Variants in ATP8B4 observed in about 807,000 individuals in gnomAD.
ATP8B4 encodes probable phospholipid-transporting ATPase IM.
In ATP8B4, 133 loss-of-function variants were observed where a neutral mutation model predicts 145.6. The ratio of observed to expected loss-of-function variants is 0.91; its 90% CI spans 0.79 to 1.05. The LOEUF is 1.05. Among genes scored for constraint, ATP8B4 ranks in the 50% least tolerant of loss-of-function variants. ATP8B4 has a pLI of 0.00. For synonymous variants in ATP8B4, 507 were observed against 492.9 expected (o/e 1.03, Z -0.38); for missense variants, 1,458 against 1,425.2 (o/e 1.02, Z -0.37).
chr15:50,112,951 C>A (rs2153672830), intron 1 of ATP8B4, among the ~76,000 whole-genome samples: 1 of 152,236 alleles, frequency 6.6e-6, no homozygotes, highest in Admixed American at 6.5e-5. Context: ...GAAGAGGCTC[C>A]CTGTGAGGGC....
At chr15:50,034,604 A>T (rs986588767) in intron 6 of ATP8B4, among the ~76,000 whole-genome samples, 1 of 152,200 alleles carries the variant, frequency 6.6e-6, no homozygotes, top group African/African-American at 2.4e-5. Flanking sequence ...GGCTTCAATT[A>T]GAGGTTCTCA....
At chr15:49,905,229 A>C (rs1164105931) in intron 20 of ATP8B4, among the ~76,000 whole-genome samples, 1 of 152,212 alleles carries the variant, frequency 6.6e-6, no homozygotes, top group Non-Finnish European at 1.5e-5. Context: ...ATGTTTATGA[A>C]ATAATCTAAG....
intron 6 of ATP8B4, among the ~76,000 whole-genome samples, chr15:50,025,939 G>A (rs1252057973): frequency 1.3e-5 from 2 of 152,140 alleles, no homozygotes; most frequent in Non-Finnish European, 2.9e-5. Context: ...AAGATGGTGG[G>A]AATATGATCA....
chr15:50,002,748 G>A (rs1182613934), intron 7 of ATP8B4, among the ~76,000 whole-genome samples: 1 of 152,056 alleles, frequency 6.6e-6, no homozygotes, highest in Non-Finnish European at 1.5e-5. Flanking sequence ...AAGATGGTAG[G>A]GAGTAAGAAA....
At chr15:50,079,996 G>T (rs1369215956) in intron 2 of ATP8B4, among the ~76,000 whole-genome samples, 1 of 152,182 alleles carries the variant, frequency 6.6e-6, no homozygotes, top group Non-Finnish European at 1.5e-5. Context: ...TAGGAAGGAA[G>T]CCATCCTTTG....
At chr15:50,172,473 G>C (rs905496528) in intron 1 of ATP8B4, among the ~76,000 whole-genome samples, 3 of 152,224 alleles carry the variant, frequency 2.0e-5, no homozygotes, top group Non-Finnish European at 2.9e-5. Context: ...GAGTGCAGCC[G>C]GCGTGATCTC....
At chr15:49,955,729 T>C (rs2043504020) in intron 14 of ATP8B4, among the ~76,000 whole-genome samples, 1 of 152,200 alleles carries the variant, frequency 6.6e-6, no homozygotes, top group Non-Finnish European at 1.5e-5. Flanking sequence ...ACAATATGGA[T>C]GACTCTTGGC....
At chr15:50,131,865 G>T (rs927938054) in intron 1 of ATP8B4, among the ~76,000 whole-genome samples, 7 of 150,708 alleles carry the variant, frequency 4.6e-5, no homozygotes, top group African/African-American at 1.7e-4. Context: ...AAAAATAATG[G>T]TTATAAAATC....
intron 1 of ATP8B4, among the ~76,000 whole-genome samples, chr15:50,165,447 G>T (rs1318555721): frequency 6.6e-6 from 1 of 152,122 alleles, no homozygotes; most frequent in Non-Finnish European, 1.5e-5. Context: ...CTTTTGTGTG[G>T]ATAGCTGCTC....
intron 2 of ATP8B4, among the ~76,000 whole-genome samples, chr15:50,096,909 C>T (rs1600357324): frequency 6.6e-6 from 1 of 152,260 alleles, no homozygotes; most frequent in East Asian, 1.9e-4. Flanking sequence ...TATGAGAGGG[C>T]TTTTGTGAAG....
chr15:49,908,708 C>T (rs551536375), intron 20 of ATP8B4, among the ~76,000 whole-genome samples: 114 of 152,242 alleles, frequency 7.5e-4, no homozygotes, highest in African/African-American at 2.6e-3. Context: ...GAGGGCCCAA[C>T]AGTACTTGGC....
At chr15:49,945,589 A>G (rs2042498279) in intron 14 of ATP8B4, among the ~76,000 whole-genome samples, 1 of 152,204 alleles carries the variant, frequency 6.6e-6, no homozygotes, top group Non-Finnish European at 1.5e-5. Flanking sequence ...ACCCCAATTA[A>G]CATGCAAAAA....
chr15:50,088,988 C>A (rs1218251036), intron 2 of ATP8B4, among the ~76,000 whole-genome samples: 1 of 152,080 alleles, frequency 6.6e-6, no homozygotes, highest in Non-Finnish European at 1.5e-5. Flanking sequence ...GTACCAGTAC[C>A]ATGCTGTTTT....
At chr15:50,155,709 ATATACT>A (rs1437224905) in intron 1 of ATP8B4, among the ~76,000 whole-genome samples, 1 of 152,120 alleles carries the variant, frequency 6.6e-6, no homozygotes, top group Non-Finnish European at 1.5e-5. Context: ...ATATGCATAA[ATATACT>A]TAAACATGTA....
At chr15:50,042,536 T>A (rs934869051) in intron 5 of ATP8B4, among the ~76,000 whole-genome samples, 16 of 152,186 alleles carry the variant, frequency 1.1e-4, no homozygotes, top group African/African-American at 3.9e-4. Context: ...GCTACTGAAG[T>A]TCATCTTCCC....
chr15:50,064,366 G>GGA (rs538861461), intron 3 of ATP8B4, among the ~76,000 whole-genome samples: 2 of 152,088 alleles, frequency 1.3e-5, no homozygotes, highest in Non-Finnish European at 2.9e-5. Context: ...AAGGGTATCA[G>GGA]GAGCTAGAGA....
At chr15:50,042,844 C>T (rs1006007582) in intron 5 of ATP8B4, among the ~76,000 whole-genome samples, 10 of 151,886 alleles carry the variant, frequency 6.6e-5, no homozygotes, top group African/African-American at 2.2e-4. Flanking sequence ...AAGATGGAAT[C>T]ACAAAAAACA....
chr15:49,978,737 A>G, intron 12 of ATP8B4, among the ~76,000 whole-genome samples: 1 of 71,828 alleles, frequency 1.4e-5, no homozygotes, highest in Non-Finnish European at 2.9e-5. Context: ...AGCTTTATCA[A>G]ATACACACAC....
At chr15:49,949,417 T>C (rs1460616738) in intron 14 of ATP8B4, among the ~76,000 whole-genome samples, 1 of 152,182 alleles carries the variant, frequency 6.6e-6, no homozygotes. Context: ...GGTATTTTAT[T>C]CTCTTCGTAG....
Sources: gnomAD v4.1 joint callset for allele counts (sites outside exome capture counted in the v4.1 genomes callset) on GRCh38, gnomAD v4.1.1 for gene constraint, MANE v1.5 for transcripts, NCBI Gene and HGNC (gene_info 2026-07-23, HGNC 2026-07-21) for gene names.